Variants in RPF1 observed in about 807,000 individuals in gnomAD.
RPF1 encodes the protein ribosome production factor 1 homolog, also known as ribosome production factor 1.
A neutral mutation model predicts 41.9 loss-of-function variants in RPF1; 34 were observed. The ratio of observed to expected loss-of-function variants is 0.81; its 90% CI spans 0.62 to 1.08. The LOEUF (loss-of-function observed/expected upper bound fraction) is 1.08, where lower values mean the gene tolerates loss of function less well. Ranked by LOEUF, RPF1 falls within the 50% of genes least tolerant of loss-of-function variation. RPF1 has a pLI of 0.00. For synonymous variants in RPF1, 140 were observed against 148.9 expected, an observed-to-expected ratio of 0.94 and a Z score of 0.43; for missense variants, 425 against 435.2, an observed-to-expected ratio of 0.98 and a Z score of 0.21.
At chr1:84,485,164 G>A (rs560770910) in intron 3 of RPF1, among the ~76,000 whole-genome samples, 2 of 152,216 alleles carry the variant, frequency 1.3e-5, no homozygotes, top group South Asian at 4.1e-4. Flanking sequence ...GAGTGCAGTG[G>A]CACAATCTCT....
In RPF1 at chr1:84,483,522, C is replaced by T. The variant is rs1681688272; in HGVS notation, c.366+527C>T. ...TCACAGGTGATCCGCCCGCTTTGGC[C>T]TCCAAAAGTGCTGGGATTACAGGCA... On this transcript the variant is annotated intron_variant, in intron 3 of 8. Transcript: ENST00000370654. 2.0e-5 allele frequency among the ~76,000 whole-genome samples: 3 copies of T among 152,138 alleles called. No individual in the cohort carries two copies. In the South Asian group the frequency reaches 6.2e-4, roughly 32 times the overall value.
At position 84,479,334 on chromosome 1, in the gene RPF1, G is replaced by A. The variant is rs1681595932; in HGVS notation, c.53G>A (p.Arg18Gln). 1.4e-5 allele frequency: 23 copies of A among 1,612,486 alleles called. No homozygotes were observed. The highest frequency in any genetic ancestry group is 1.8e-5 in the Non-Finnish European group (21 of 1,179,238). ...AGCAGCGGGAAGAAAAGTCTAAAACGGAAAGCCGCTGCCGAAGAACTTCAG... is the reference window on the plus strand; with the variant it reads ...AGCAGCGGGAAGAAAAGTCTAAAACAGAAAGCCGCTGCCGAAGAACTTCAG... ...SSSSGKKSLK[R>Q]KAAAEELQEA... Residue 18 changes from arginine (R) to glutamine (Q), a missense_variant, in exon 1 of 9, where the codon CGG becomes CAG. Transcript: ENST00000370654.
chr1:84,490,097 T>C (rs561965595), intron 4 of RPF1, among the ~76,000 whole-genome samples: 6 of 152,298 alleles, frequency 3.9e-5, no homozygotes, highest in Admixed American at 3.9e-4. Context: ...CATTGCCAAA[T>C]GTGTCCTCTG....
At chr1:84,494,624 G>T (rs1681896024) in intron 5 of RPF1, among the ~76,000 whole-genome samples, 1 of 152,220 alleles carries the variant, frequency 6.6e-6, no homozygotes, top group Non-Finnish European at 1.5e-5. Context: ...CAAACTTGAA[G>T]AATATTATAT....
chr1:84,486,587 CA>C (rs896267195), intron 3 of RPF1, among the ~76,000 whole-genome samples: 175 of 64,534 alleles, frequency 2.7e-3, no homozygotes, highest in Non-Finnish European at 3.9e-3. Context: ...GACTCCGTCT[CA>C]AAAAAAAAAA....
At chr1:84,480,114 G>A (rs1009109305) in intron 1 of RPF1, among the ~76,000 whole-genome samples, 2 of 152,176 alleles carry the variant, frequency 1.3e-5, no homozygotes, top group Non-Finnish European at 2.9e-5. Context: ...GCTTATTCTT[G>A]CACATCGTAG....
intron 4 of RPF1, 61 bp from the exon 5 acceptor site, chr1:84,490,258 C>T: frequency 4.6e-6 from 5 of 1,087,098 alleles, no homozygotes; most frequent in Non-Finnish European, 6.4e-6. Context: ...GAATATGTAC[C>T]ACATAAGATT....
At chr1:84,488,932 A>G (rs1223823805) in intron 3 of RPF1, among the ~76,000 whole-genome samples, 2 of 152,022 alleles carry the variant, frequency 1.3e-5, no homozygotes, top group Non-Finnish European at 2.9e-5. Flanking sequence ...TTTCGTTCCT[A>G]ATATTATTTT....
At position 84,493,913 on chromosome 1, in the gene RPF1, T is replaced by C. The variant is rs191367277; in HGVS notation, c.617-1460T>C. On this transcript the variant is annotated intron_variant, in intron 5 of 8. Coordinates refer to ENST00000370654, the MANE Select transcript of RPF1 (RefSeq NM_025065.7). ...GGGTAAATAGGTTGAAAAGGTAATTTGTGGCCACATTATGAGTCTGATACT... is the reference window on the plus strand; with the variant it reads ...GGGTAAATAGGTTGAAAAGGTAATTCGTGGCCACATTATGAGTCTGATACT... 5.0e-4 allele frequency among the ~76,000 whole-genome samples: 76 copies of C among 152,338 alleles called. 1 individual carries two copies. Among genetic ancestry groups the C allele is most frequent in the African/African-American group, 1.8e-3 (76 of 41,586 alleles).
chr1:84,490,323 C>A lies in RPF1; in HGVS notation c.467C>A (p.Thr156Lys). 1.3e-6 allele frequency: 2 copies of A among 1,568,448 alleles called. No homozygotes were observed. The highest frequency in any genetic ancestry group is 2.0e-5 in the Admixed American group (1 of 48,886). The stretch of plus-strand genomic sequence containing the variant: ...TTTTGTTATTTTGTTTTGCAGAGAA[C>A]AGTACGACTCTGTGAACAGCTCTCC... ...ITTSDRPHGR[T>K]VRLCEQLSTV... Residue 156 changes from threonine to lysine, a missense_variant, in exon 5 of 9, where the codon ACA (threonine) becomes AAA (lysine). Coordinates refer to ENST00000370654, the MANE Select transcript of RPF1 (RefSeq NM_025065.7).
At chr1:84,479,591 G>C (rs1681604860) in intron 1 of RPF1, 82 bp downstream of exon 1, 8 of 1,316,530 alleles carry the variant, frequency 6.1e-6, no homozygotes, top group Non-Finnish European at 2.1e-6. Flanking sequence ...ATCTGTGGTT[G>C]TCTGCTGGTC....
Position 84,490,297 on chromosome 1 carries a change from T to A in RPF1, c.463-22T>A. Reference sequence around the variant, plus strand: ...ATTCTTTTTTGAAAACTATTCAAAATTTTTGTTATTTTGTTTTGCAGAGAA... The same window carrying A: ...ATTCTTTTTTGAAAACTATTCAAAAATTTTGTTATTTTGTTTTGCAGAGAA... On this transcript the variant is annotated intron_variant, in intron 4 of 8. Transcript: ENST00000370654. 2.0e-6 allele frequency: 3 copies of A among 1,500,222 alleles called. No individual in the cohort carries two copies. The South Asian group carries it at 4.0e-5, about 20-fold the overall frequency. The allele number at this position is 1,500,222 out of a possible 1,614,324, so 92.9% of individuals were successfully genotyped here. A position where few individuals can be genotyped will look rare whatever the true frequency, so the allele number is the denominator to read the frequency against.
At position 84,495,978 on chromosome 1, in the gene RPF1, C is replaced by G. The variant is rs768069827; in HGVS notation, c.796C>G (p.Leu266Val). Residue 266 changes from leucine to valine, a missense_variant, in exon 7 of 9, where the codon CTC becomes GTC. Leu to Val is a conservative substitution (Grantham distance 32). Coordinates refer to ENST00000370654, the MANE Select transcript of RPF1 (RefSeq NM_025065.7). ...TTCAATTGGACGTATGTTTGCATCTCTCTTTCCTCATAATCCTCAATTTAT... is the reference window on the plus strand; with the variant it reads ...TTCAATTGGACGTATGTTTGCATCTGTCTTTCCTCATAATCCTCAATTTAT... ...GHSIGRMFASLFPHNPQFIGR... is the reference protein window; with the variant it reads ...GHSIGRMFASVFPHNPQFIGR... 7 of 1,609,946 alleles carry G rather than the reference C, an allele frequency of 4.3e-6. No homozygotes were observed. The highest frequency in any genetic ancestry group is 4.5e-5 in the East Asian group (2 of 44,864).
At chr1:84,485,358 CAA>C (rs1414455457) in intron 3 of RPF1, among the ~76,000 whole-genome samples, 2 of 152,158 alleles carry the variant, frequency 1.3e-5, no homozygotes, top group Non-Finnish European at 2.9e-5. Context: ...CTTGGCCTCC[CAA>C]AGTGTTAGGA....
chr1:84,479,380 T>A lies in RPF1; in HGVS notation c.99T>A (p.Asp33Glu). The A allele has an allele frequency of 6.2e-7, 1 of 1,614,082 alleles. No individual in the cohort carries two copies. Among genetic ancestry groups the A allele is most frequent in the Non-Finnish European group, 8.5e-7 (1 of 1,179,966 alleles). The stretch of plus-strand genomic sequence containing the variant: ...TTCAGGAGGCTGCAGGCGCTGGGGA[T>A]GGGGCGACGGAAAACGGGGTCCAAC... ...EELQEAAGAG[D>E]GATENGVQPP... Residue 33 changes from aspartate to glutamate, a missense_variant, in exon 1 of 9, where the codon GAT (aspartate) becomes GAA (glutamate). Coordinates refer to ENST00000370654, the MANE Select transcript of RPF1 (RefSeq NM_025065.7).
Position 84,483,263 on chromosome 1 carries a change from T to G in RPF1, c.366+268T>G. The G allele has an allele frequency of 1.2e-5, 5 of 400,918 alleles. No individual in the cohort carries two copies. In the South Asian group the frequency reaches 1.6e-4, roughly 13 times the overall value. The allele number at this position is 400,918 out of a possible 1,614,324, so 24.8% of individuals were successfully genotyped here. On this transcript the variant is annotated intron_variant, in intron 3 of 8. Coordinates refer to ENST00000370654, the MANE Select transcript of RPF1 (RefSeq NM_025065.7). ...ATGGTATTTTGGAGGGTTTTGTTTT[T>G]GTTTTTGTTTTTGATTTTGTTGAGA...
chr1:84,495,253 A>G, intron 5 of RPF1, 120 bp from the exon 6 acceptor site: 1 of 632,448 alleles, frequency 1.6e-6, no homozygotes, highest in Non-Finnish European at 2.7e-6. Flanking sequence ...AGGAATATGT[A>G]CATCTGCCTA....
At chr1:84,483,129 A>T in intron 3 of RPF1, 134 bp downstream of exon 3, 1 of 533,220 alleles carries the variant, frequency 1.9e-6, no homozygotes. Flanking sequence ...TTGGCATATT[A>T]TCTTATTATT....
chr1:84,494,868 A>G (rs1037502833), intron 5 of RPF1, among the ~76,000 whole-genome samples: 2 of 152,164 alleles, frequency 1.3e-5, no homozygotes, highest in African/African-American at 4.8e-5. Flanking sequence ...TAATAACCTT[A>G]ATTTCATAGA....
Sources: gnomAD v4.1 joint callset for allele counts (sites outside exome capture counted in the v4.1 genomes callset) on GRCh38, gnomAD v4.1.1 for gene constraint, MANE v1.5 for transcripts, NCBI Gene and HGNC (gene_info 2026-07-23, HGNC 2026-07-21) for gene names.